Variants in NBAS observed in about 807,000 individuals in gnomAD.
NBAS encodes the protein NBAS subunit of NRZ tethering complex.
NBAS carries 219 observed loss-of-function variants against 302.5 expected under a neutral mutation model. The ratio of observed to expected loss-of-function variants is 0.72; its 90% CI spans 0.65 to 0.81. The LOEUF (loss-of-function observed/expected upper bound fraction) is 0.81, where lower values mean the gene tolerates loss of function less well. Among genes scored for constraint, NBAS ranks in the 30% least tolerant of loss-of-function variants. The pLI is 0.00. For synonymous variants in NBAS, 1,118 were observed against 1,021.6 expected (o/e 1.09, Z -1.80); for missense variants, 2,932 against 2,841.6 (o/e 1.03, Z -0.72).
At chr2:15,514,491 T>TA (rs1342565966) in intron 9 of NBAS, among the ~76,000 whole-genome samples, 5 of 152,176 alleles carry the variant, frequency 3.3e-5, no homozygotes, top group African/African-American at 1.2e-4. Context: ...CAGTAACCTC[T>TA]ATTGAACCTC....
chr2:14,894,623 G>A, the NBAS span, among the ~76,000 whole-genome samples: 4 of 152,034 alleles, frequency 2.6e-5, no homozygotes, highest in Non-Finnish European at 5.9e-5. Flanking sequence ...ACTGAATATT[G>A]ATTTAACCAA....
chr2:15,484,399 T>A (rs991152263), intron 12 of NBAS, among the ~76,000 whole-genome samples: 6 of 152,158 alleles, frequency 3.9e-5, no homozygotes, highest in African/African-American at 1.4e-4. Context: ...CATTTAGTGA[T>A]CTCAAGTTAA....
the NBAS span, among the ~76,000 whole-genome samples, chr2:15,001,189 T>C: frequency 1.3e-5 from 2 of 152,220 alleles, no homozygotes; most frequent in Admixed American, 1.3e-4. Flanking sequence ...GTGATCTCTC[T>C]ACTATTGAAC....
At chr2:14,926,666 A>G in the NBAS span, among the ~76,000 whole-genome samples, 1 of 152,200 alleles carries the variant, frequency 6.6e-6, no homozygotes, top group East Asian at 1.9e-4. Context: ...TACAGTGGCA[A>G]TAAGTACATT....
At chr2:15,186,681 A>G in intron 50 of NBAS, 61 bp downstream of exon 50, 2 of 1,609,620 alleles carry the variant, frequency 1.2e-6, no homozygotes, top group East Asian at 2.2e-5. Flanking sequence ...GATTGCTTAC[A>G]ATAAAGAGTT....
In NBAS at chr2:15,487,309, A is replaced by T. The variant is rs190553434; in HGVS notation, c.1083+1585T>A. ...AAATGAATAATGCTTTATTTTGAAC[A>T]TAGATATGAAACATGGACTTCATGT... On this transcript the variant is annotated intron_variant, in intron 12 of 51. Coordinates refer to ENST00000281513, the MANE Select transcript of NBAS (RefSeq NM_015909.4). Among the ~76,000 whole-genome samples, 11 of 152,314 alleles carry T rather than the reference A, an allele frequency of 7.2e-5. 1 individual carries two copies. The South Asian group carries it at 1.4e-3, about 20-fold the overall frequency.
At chr2:15,519,962 A>G (rs16862742) in intron 9 of NBAS, among the ~76,000 whole-genome samples, 11,130 of 152,270 alleles carry the variant, frequency 0.073, 487 homozygotes, top group East Asian at 0.13. Context: ...ATTAATTATT[A>G]AAGACAAAAC....
At chr2:15,516,340 T>C (rs1403799309) in intron 9 of NBAS, among the ~76,000 whole-genome samples, 2 of 152,214 alleles carry the variant, frequency 1.3e-5, no homozygotes, top group African/African-American at 4.8e-5. Context: ...CTTTCACTTA[T>C]GAGCTGGGCT....
chr2:15,212,556 G>A (rs553287807), intron 48 of NBAS, among the ~76,000 whole-genome samples: 80 of 152,230 alleles, frequency 5.3e-4, no homozygotes, highest in Non-Finnish European at 9.6e-4. Context: ...GTACTGTGCA[G>A]ACTTTTATCA....
chr2:15,264,968 T>C (rs1325608265), intron 44 of NBAS, among the ~76,000 whole-genome samples: 1 of 152,178 alleles, frequency 6.6e-6, no homozygotes, highest in Non-Finnish European at 1.5e-5. Context: ...CCTTAAATCA[T>C]CTTTTCTCCA....
intron 48 of NBAS, among the ~76,000 whole-genome samples, chr2:15,196,394 T>C (rs1236264476): frequency 1.3e-5 from 2 of 152,238 alleles, no homozygotes; most frequent in Admixed American, 1.3e-4. Flanking sequence ...TATTATACTG[T>C]AGTTTTGCAA....
At position 15,379,843 on chromosome 2, in the gene NBAS, G is replaced by A. The variant is rs1374901164; in HGVS notation, c.3361-12C>T. ...CTTTCTGTAAATATCTGGAAAAAAG[G>A]AGAAACTGGAATTAGTTATAGAGAG... On this transcript the variant is annotated splice_polypyrimidine_tract_variant and intron_variant, in intron 29 of 51. Coordinates refer to ENST00000281513, the MANE Select transcript of NBAS (RefSeq NM_015909.4). 41 of 1,606,534 alleles carry A rather than the reference G, an allele frequency of 2.6e-5. No homozygotes were observed. The highest frequency in any genetic ancestry group is 3.2e-5 in the Non-Finnish European group (38 of 1,173,256).
chr2:15,106,034 T>C, the NBAS span, among the ~76,000 whole-genome samples: 1 of 152,286 alleles, frequency 6.6e-6, no homozygotes, highest in Non-Finnish European at 1.5e-5. Flanking sequence ...GAGATGGCTT[T>C]GGATACTATT....
At chr2:15,044,587 A>T in the NBAS span, among the ~76,000 whole-genome samples, 1 of 152,264 alleles carries the variant, frequency 6.6e-6, no homozygotes, top group African/African-American at 2.4e-5. Flanking sequence ...AGGAGACTCT[A>T]TGAGTTGAAA....
At chr2:15,393,353 A>G (rs901380048) in intron 28 of NBAS, among the ~76,000 whole-genome samples, 3 of 152,106 alleles carry the variant, frequency 2.0e-5, no homozygotes, top group Admixed American at 2.0e-4. Context: ...CCAAAACTCA[A>G]TAAAAAGAAA....
At chr2:14,929,371 A>ATTATG in the NBAS span, among the ~76,000 whole-genome samples, 1 of 134,436 alleles carries the variant, frequency 7.4e-6, no homozygotes, top group East Asian at 2.0e-4. Context: ...TTTACAGTAT[A>ATTATG]TTATGTTTTG....
the NBAS span, among the ~76,000 whole-genome samples, chr2:15,034,252 G>GAAAA: frequency 1.1e-5 from 1 of 94,236 alleles, no homozygotes; most frequent in Non-Finnish European, 2.2e-5. Context: ...AAGAAAGAAA[G>GAAAA]AAAGAAAGAA....
the NBAS span, among the ~76,000 whole-genome samples, chr2:14,856,331 C>T: frequency 1.3e-5 from 2 of 152,142 alleles, no homozygotes; most frequent in African/African-American, 4.8e-5. Flanking sequence ...AGAATGGCTA[C>T]AAATAAGTCC....
At chr2:14,941,045 C>A in the NBAS span, among the ~76,000 whole-genome samples, 1 of 152,124 alleles carries the variant, frequency 6.6e-6, no homozygotes, top group Non-Finnish European at 1.5e-5. Flanking sequence ...ACAAAACTGA[C>A]AAAATATTTG....
Sources: gnomAD v4.1 joint callset for allele counts (sites outside exome capture counted in the v4.1 genomes callset) on GRCh38, gnomAD v4.1.1 for gene constraint, MANE v1.5 for transcripts, NCBI Gene and HGNC (gene_info 2026-07-23, HGNC 2026-07-21) for gene names.